DSC1: variants seen among roughly 807,000 people sequenced by gnomAD.
The protein encoded by DSC1 is desmocollin-1.
In DSC1, 79 loss-of-function variants were observed where a neutral mutation model predicts 98.8. The ratio of observed to expected loss-of-function variants is 0.80; its 90% confidence interval spans 0.67 to 0.96. The LOEUF is 0.96. DSC1 is among the 50% of genes least tolerant of loss of function. The pLI, the probability that DSC1 is intolerant of heterozygous loss-of-function variation, is 0.00. For synonymous variants in DSC1, 405 were observed against 372.1 expected (o/e 1.09, Z -1.02); for missense variants, 1,115 against 1,075.9 (o/e 1.04, Z -0.51).
At chr18:31,149,215 T>A (rs1238662967) in intron 5 of DSC1, among the ~76,000 whole-genome samples, 1 of 152,162 alleles carries the variant, frequency 6.6e-6, no homozygotes, top group Non-Finnish European at 1.5e-5. Context: ...GCCTTTAAAC[T>A]CCAAATTATT....
chr18:31,136,006 C>A (rs188870500), intron 11 of DSC1, among the ~76,000 whole-genome samples: 1 of 152,024 alleles, frequency 6.6e-6, no homozygotes. Flanking sequence ...TGTTGAATAA[C>A]TACAAAATTA....
chr18:31,136,524 A>T (rs1446083439), intron 11 of DSC1, among the ~76,000 whole-genome samples: 1 of 152,188 alleles, frequency 6.6e-6, no homozygotes, highest in Non-Finnish European at 1.5e-5. Flanking sequence ...CAGATGAAAG[A>T]TGCTTGAAAT....
chr18:31,141,127 A>G, intron 9 of DSC1, among the ~76,000 whole-genome samples: 1 of 152,170 alleles, frequency 6.6e-6, no homozygotes, highest in East Asian at 1.9e-4. Context: ...CCAGTTTCGG[A>G]TATGTCTTTA....
chr18:31,132,899 A>T (rs1028197315), intron 13 of DSC1, among the ~76,000 whole-genome samples: 7 of 152,178 alleles, frequency 4.6e-5, no homozygotes, highest in Non-Finnish European at 1.0e-4. Context: ...CAGGTCCAGA[A>T]TTAACTTATA....
intron 15 of DSC1, 123 bp downstream of exon 15, chr18:31,131,471 A>G (rs1988486752): frequency 1.6e-6 from 2 of 1,263,394 alleles, no homozygotes; most frequent in Admixed American, 2.4e-5. Context: ...CACATCTATG[A>G]TAATCCAACA....
At chr18:31,132,760 T>C (rs1988524206) in intron 13 of DSC1, 71 bp from the exon 14 acceptor site, 5 of 1,421,482 alleles carry the variant, frequency 3.5e-6, no homozygotes, top group African/African-American at 1.5e-5. Flanking sequence ...TTTAAAGTCT[T>C]CTTGCATATG....
intron 14 of DSC1, 179 bp downstream of exon 14, chr18:31,132,389 G>A: frequency 1.4e-6 from 1 of 735,086 alleles, no homozygotes; most frequent in Non-Finnish European, 2.1e-6. Context: ...TGTTGTGACA[G>A]CCCTAGCCCT....
intron 7 of DSC1, among the ~76,000 whole-genome samples, chr18:31,144,305 G>A (rs7236955): frequency 0.28 from 42,977 of 152,004 alleles, 7,016 homozygotes; most frequent in East Asian, 0.56. Context: ...TGTGTCTAAT[G>A]TAACATTTTA....
chr18:31,155,993 A>C, intron 4 of DSC1, 50 bp downstream of exon 4: 1 of 1,596,148 alleles, frequency 6.3e-7, no homozygotes, highest in South Asian at 1.1e-5. Context: ...GAAAAGTTTA[A>C]GAACAAAAAA....
At chr18:31,149,130 G>T (rs922073977) in intron 5 of DSC1, among the ~76,000 whole-genome samples, 28 of 152,004 alleles carry the variant, frequency 1.8e-4, no homozygotes, top group Non-Finnish European at 3.1e-4. Context: ...GTTAATAAAA[G>T]CATATACATA....
At position 31,154,805 on chromosome 18, in the gene DSC1, C is replaced by T; in HGVS notation, c.596G>A (p.Ser199Asn). ...CTGTTCATATTTCTCACGGTCAATG[C>T]TCCTTGTACAAAAGATATCCCCAGT... is the stretch of plus-strand genomic sequence containing the variant. ...KDTGDIFCTR[S>N]IDREKYEQFA... Residue 199 changes from serine to asparagine, a missense_variant, in exon 5 of 16, where the codon AGC becomes AAC. Transcript: ENST00000257198. The T allele has an allele frequency of 1.2e-6, 2 of 1,613,632 alleles. No homozygotes were observed. Among genetic ancestry groups the T allele is most frequent in the Non-Finnish European group, 8.5e-7 (1 of 1,179,794 alleles).
intron 2 of DSC1, among the ~76,000 whole-genome samples, chr18:31,158,740 G>A (rs1989148794): frequency 6.6e-6 from 1 of 151,976 alleles, no homozygotes. Flanking sequence ...TCAACCTCAA[G>A]TACAAATTTT....
At chr18:31,152,538 C>T (rs9959845) in intron 5 of DSC1, among the ~76,000 whole-genome samples, 97,715 of 152,036 alleles carry the variant, frequency 0.64, 31,849 homozygotes, top group East Asian at 0.81. Context: ...TTCTAGAACA[C>T]GTGTATTGTT....
chr18:31,137,358 T>G (rs1988633273), intron 11 of DSC1, among the ~76,000 whole-genome samples: 1 of 152,166 alleles, frequency 6.6e-6, no homozygotes, highest in Admixed American at 6.5e-5. Context: ...TAATAAATGT[T>G]TAATCTCAAT....
Position 31,145,635 on chromosome 18 carries a change from TGTG to T in DSC1, c.912_914del (p.Thr307del). 2 of 1,614,172 alleles carry T rather than the reference TGTG, an allele frequency of 1.2e-6. No individual in the cohort carries two copies. The highest frequency in any genetic ancestry group is 1.7e-6 in the Non-Finnish European group (2 of 1,180,020). On this transcript the variant is annotated inframe_deletion, in exon 7 of 16. Transcript: ENST00000257198. The stretch of plus-strand genomic sequence containing the variant: ...CTTCTCTATCCAGAAAAGGTGTAGT[TGTG>T]GTGATGACACCGGTATCTGGGTGTA...
Position 31,130,266 on chromosome 18 carries a change from A to G in DSC1, c.*248T>C. On this transcript the variant is annotated 3_prime_UTR_variant, in exon 16 of 16. Coordinates refer to ENST00000257198, the MANE Select transcript of DSC1 (RefSeq NM_024421.2). The stretch of plus-strand genomic sequence containing the variant: ...AAAGGTGCAAGAAGGTGTACAGTAC[A>G]GTCGTGAAAAGGGCAATATATACAT... 2 of 502,870 alleles carry G rather than the reference A, an allele frequency of 4.0e-6. No individual in the cohort carries two copies. The highest frequency in any genetic ancestry group is 2.6e-5 in the South Asian group (1 of 38,116). 31.2% of individuals were successfully genotyped at this position (502,870 alleles called of 1,614,324 possible). A position where few individuals can be genotyped will look rare whatever the true frequency, so the allele number is the denominator to read the frequency against.
chr18:31,155,724 A>C (rs941683604), intron 4 of DSC1, among the ~76,000 whole-genome samples: 1 of 152,248 alleles, frequency 6.6e-6, no homozygotes, highest in Non-Finnish European at 1.5e-5. Context: ...GAATTGAACT[A>C]TGCAAAACAT....
chr18:31,150,396 T>TAC (rs1988970184), intron 5 of DSC1, among the ~76,000 whole-genome samples: 1 of 6,724 alleles, frequency 1.5e-4, no homozygotes, highest in African/African-American at 4.6e-4. Flanking sequence ...ATCACCACCA[T>TAC]TATCACCACC....
chr18:31,138,960 G>A (rs1208471812), intron 11 of DSC1, among the ~76,000 whole-genome samples: 2 of 151,936 alleles, frequency 1.3e-5, no homozygotes, highest in Admixed American at 1.3e-4. Flanking sequence ...AAATGGAAGA[G>A]TGTAGCTTCT....
Sources: gnomAD v4.1 joint callset for allele counts (sites outside exome capture counted in the v4.1 genomes callset) on GRCh38, gnomAD v4.1.1 for gene constraint, MANE v1.5 for transcripts, NCBI Gene and HGNC (gene_info 2026-07-23, HGNC 2026-07-21) for gene names.